OR2A12: variants seen among roughly 807,000 people sequenced by gnomAD.
The protein encoded by OR2A12 is olfactory receptor 2A12.
For synonymous variants in OR2A12, 153 were observed against 149.3 expected, an observed-to-expected ratio of 1.02 and a Z score of -0.18; for missense variants, 380 against 372.5, an observed-to-expected ratio of 1.02 and a Z score of -0.17.
chr7:144,092,317 T>C (rs1462397840), intron 1 of OR2A12, among the ~76,000 whole-genome samples: 1 of 152,150 alleles, frequency 6.6e-6, no homozygotes, highest in Non-Finnish European at 1.5e-5. Context: ...TTTGCTTAGG[T>C]TTGCCTTGGC....
rs2051278636 is a variant in OR2A12, at chr7:144,097,961, G to A, written c.*1921G>A. On this transcript the variant is annotated 3_prime_UTR_variant, in exon 2 of 2. Coordinates refer to ENST00000641592, the MANE Select transcript of OR2A12 (RefSeq NM_001004135.2). ...ATATCTGATATTATAAAATCTTTAA[G>A]CTGCATTAAATAAAAATATTAGTGT... 6.6e-6 allele frequency: 1 copy of A among 152,046 alleles called. No individual in the cohort carries two copies. Among genetic ancestry groups the A allele is most frequent in the Non-Finnish European group, 1.5e-5 (1 of 68,000 alleles). The allele number at this position is 152,046 out of a possible 1,614,324, so 9.4% of individuals were successfully genotyped here.
At chr7:144,093,946 A>G (rs2051243822) in intron 1 of OR2A12, among the ~76,000 whole-genome samples, 1 of 152,106 alleles carries the variant, frequency 6.6e-6, no homozygotes. Context: ...ATACGTGTGC[A>G]TGTATCATCA....
At chr7:144,091,415 A>AAAAAG (rs1411379813) in intron 1 of OR2A12, among the ~76,000 whole-genome samples, 1 of 152,202 alleles carries the variant, frequency 6.6e-6, no homozygotes, top group African/African-American at 2.4e-5. Context: ...AGAAAGAAAG[A>AAAAAG]AAAAGAAAAG....
chr7:144,090,947 G>T (rs1586900191), intron 1 of OR2A12, among the ~76,000 whole-genome samples: 1 of 152,220 alleles, frequency 6.6e-6, no homozygotes, highest in East Asian at 1.9e-4. Flanking sequence ...TTAATATTTA[G>T]GTTGATTCCA....
In OR2A12 at chr7:144,096,103, T is replaced by G; in HGVS notation, c.*63T>G. 1 of 1,211,310 alleles carries G rather than the reference T, an allele frequency of 8.3e-7. No homozygotes were observed. The highest frequency in any genetic ancestry group is 1.2e-6 in the Non-Finnish European group (1 of 855,496). The allele number at this position is 1,211,310 out of a possible 1,614,324, so 75.0% of individuals were successfully genotyped here. ...TCTCATGACCCTGGGTCCTGAAATTTCCTTTTTAATTCTTTAATTTACCAC... is the reference window on the plus strand; with the variant it reads ...TCTCATGACCCTGGGTCCTGAAATTGCCTTTTTAATTCTTTAATTTACCAC... On this transcript the variant is annotated 3_prime_UTR_variant, in exon 2 of 2. Coordinates refer to ENST00000641592, the MANE Select transcript of OR2A12 (RefSeq NM_001004135.2).
rs765339307 is a variant in OR2A12 at position 144,095,160 on chromosome 7, T to G, written c.53T>G (p.Val18Gly). Residue 18 changes from valine to glycine, a missense_variant, in exon 2 of 2, where the codon GTG becomes GGG. Val to Gly is a moderately radical substitution (Grantham distance 109). Coordinates refer to ENST00000641592, the MANE Select transcript of OR2A12 (RefSeq NM_001004135.2). ...ITEVILLGFQ[V>G]DPALELFLFG... ...GAAGTCATCCTGTTGGGATTCCAGG[T>G]GGACCCAGCTCTGGAGTTGTTCCTC... The G allele has an allele frequency of 1.3e-5, 21 of 1,613,660 alleles. No homozygotes were observed. In the East Asian group the frequency reaches 4.7e-4, roughly 36 times the overall value.
At chr7:144,087,911 TG>T (rs771337720) in intron 1 of OR2A12, among the ~76,000 whole-genome samples, 7 of 152,220 alleles carry the variant, frequency 4.6e-5, no homozygotes, top group Admixed American at 1.3e-4. Context: ...CATGTTTTGG[TG>T]TTCTTCGACA....
chr7:144,091,250 G>T (rs183189825), intron 1 of OR2A12, among the ~76,000 whole-genome samples: 1 of 152,316 alleles, frequency 6.6e-6, no homozygotes, highest in East Asian at 1.9e-4. Context: ...AATTAGCCAG[G>T]TGTGATGGCG....
At chr7:144,087,804 C>A (rs971618456) in intron 1 of OR2A12, among the ~76,000 whole-genome samples, 4 of 152,132 alleles carry the variant, frequency 2.6e-5, no homozygotes, top group African/African-American at 9.7e-5. Flanking sequence ...CAAAAACATA[C>A]CCCTAGCTTG....
At position 144,095,603 on chromosome 7, in the gene OR2A12, C is replaced by G. The variant is rs755990098; in HGVS notation, c.496C>G (p.Pro166Ala). The G allele has an allele frequency of 1.2e-6, 2 of 1,614,060 alleles. No homozygotes were observed. Among genetic ancestry groups the G allele is most frequent in the South Asian group, 1.1e-5 (1 of 91,080 alleles). ...CCATATTACTCTTATTCTGAGGCTG[C>G]CTTTTTGTGGCCCACAAAAGATCAA... ...LVHITLILRL[P>A]FCGPQKINHF... Residue 166 changes from proline (P) to alanine (A), a missense_variant, in exon 2 of 2, where the codon CCT becomes GCT. By Grantham distance (27) the Pro-to-Ala change is conservative (BLOSUM62 -1). Transcript: ENST00000641592.
rs979143087 is a variant in OR2A12 at position 144,098,212 on chromosome 7, T to G, written c.*2172T>G. The G allele has an allele frequency of 6.6e-6, 1 of 152,206 alleles. No individual in the cohort carries two copies. The highest frequency in any genetic ancestry group is 1.5e-5 in the Non-Finnish European group (1 of 68,048). The allele number at this position is 152,206 out of a possible 1,614,324, so 9.4% of individuals were successfully genotyped here. A position where few individuals can be genotyped will look rare whatever the true frequency, so the allele number is the denominator to read the frequency against. ...TATGGCATTATTAAGTACTTGAAGTTTTTCCCTTTATATATTTTTTTCACA... is the reference window on the plus strand; with the variant it reads ...TATGGCATTATTAAGTACTTGAAGTGTTTCCCTTTATATATTTTTTTCACA... On this transcript the variant is annotated 3_prime_UTR_variant, in exon 2 of 2. Transcript: ENST00000641592.
At chr7:144,092,722 AT>A (rs952471332) in intron 1 of OR2A12, among the ~76,000 whole-genome samples, 13 of 151,982 alleles carry the variant, frequency 8.6e-5, no homozygotes, top group African/African-American at 1.4e-4. Flanking sequence ...AAATTAAGGA[AT>A]TTTTTTTCTA....
Position 144,095,208 on chromosome 7 carries a change from A to G in OR2A12, c.101A>G (p.Tyr34Cys), listed in dbSNP as rs1321197375. The stretch of plus-strand genomic sequence containing the variant: ...CTCTTTGGGTTTTTCTTGCTATTCT[A>G]CAGCTTAACCCTGATGGGAAATGGG... The part of the protein sequence containing the change: ...LFLFGFFLLF[Y>C]SLTLMGNGII... The change falls in exon 2 of 2, where the codon TAC (tyrosine) becomes TGC (cysteine). Residue 34 changes from tyrosine (Y) to cysteine (C), a missense_variant. Transcript: ENST00000641592. The G allele has an allele frequency of 1.9e-6, 3 of 1,613,868 alleles. No individual in the cohort carries two copies. The Admixed American group carries it at 5.0e-5, about 27-fold the overall frequency.
In OR2A12 at chr7:144,097,326, C is replaced by A. The variant is rs577773823; in HGVS notation, c.*1286C>A. ...AGATTATACAAAAGCTCTAAAGAGA[C>A]AATTAAAAATTTATTGAGAGACTAT... On this transcript the variant is annotated 3_prime_UTR_variant, in exon 2 of 2. Coordinates refer to ENST00000641592, the MANE Select transcript of OR2A12 (RefSeq NM_001004135.2). 6 of 152,128 alleles carry A rather than the reference C, an allele frequency of 3.9e-5. No homozygotes were observed. The highest frequency in any genetic ancestry group is 1.4e-4 in the African/African-American group (6 of 41,486). 9.4% of individuals were successfully genotyped at this position (152,128 alleles called of 1,614,324 possible). A position where few individuals can be genotyped will look rare whatever the true frequency, so the allele number is the denominator to read the frequency against.
chr7:144,091,326 G>A (rs867203900), intron 1 of OR2A12, among the ~76,000 whole-genome samples: 5 of 152,220 alleles, frequency 3.3e-5, no homozygotes, highest in Admixed American at 2.0e-4. Context: ...GGGAGGCGGA[G>A]GTTGCAGTGA....
At chr7:144,093,827 A>G (rs971355234) in intron 1 of OR2A12, among the ~76,000 whole-genome samples, 1 of 151,534 alleles carries the variant, frequency 6.6e-6, no homozygotes, top group Non-Finnish European at 1.5e-5. Flanking sequence ...TTATGGCTGC[A>G]TAGTATTCCA....
chr7:144,093,213 A>G (rs922850732), intron 1 of OR2A12, among the ~76,000 whole-genome samples: 2 of 152,094 alleles, frequency 1.3e-5, no homozygotes, highest in Non-Finnish European at 2.9e-5. Context: ...ATTGTTTTCA[A>G]TTCTCGAACA....
At position 144,095,374 on chromosome 7, in the gene OR2A12, A is replaced by C; in HGVS notation, c.267A>C (p.Lys89Asn). The C allele has an allele frequency of 6.2e-7, 1 of 1,613,664 alleles. No homozygotes were observed. The highest frequency in any genetic ancestry group is 8.5e-7 in the Non-Finnish European group (1 of 1,179,594). Residue 89 changes from lysine (K) to asparagine (N), a missense_variant, in exon 2 of 2, where the codon AAA becomes AAC. Coordinates refer to ENST00000641592, the MANE Select transcript of OR2A12 (RefSeq NM_001004135.2). ...TAGCAAATCTTGTGATGCACAAAAA[A>C]GTCATCTCCTTTGCTCCTTGCATAC... is the stretch of plus-strand genomic sequence containing the variant. ...KMLANLVMHK[K>N]VISFAPCILQ...
In OR2A12 at chr7:144,095,120, C is replaced by A. The variant is rs748940793; in HGVS notation, c.13C>A (p.Gln5Lys). ...CTGTCACGAGAACATGGAAAGCAATCAGACCTGGATCACAGAAGTCATCCT... is the reference window on the plus strand; with the variant it reads ...CTGTCACGAGAACATGGAAAGCAATAAGACCTGGATCACAGAAGTCATCCT... MESNQTWITEVILLG... is the reference protein window; with the variant it reads MESNKTWITEVILLG... The change falls in exon 2 of 2, where the codon CAG (glutamine) becomes AAG (lysine). Residue 5 changes from glutamine to lysine, a missense_variant. By Grantham distance (53) the Gln-to-Lys change is moderately conservative. Coordinates refer to ENST00000641592, the MANE Select transcript of OR2A12 (RefSeq NM_001004135.2). 15 of 1,601,364 alleles carry A rather than the reference C, an allele frequency of 9.4e-6. No individual in the cohort carries two copies. The highest frequency in any genetic ancestry group is 1.3e-5 in the Non-Finnish European group (15 of 1,174,796).
Sources: allele counts gnomAD v4.1 joint callset (sites outside exome capture counted in the v4.1 genomes callset), GRCh38; gene constraint gnomAD v4.1.1; transcripts MANE v1.5; gene names NCBI Gene and HGNC (gene_info 2026-07-23, HGNC 2026-07-21).